The following SCLT1 variants were observed in gnomAD, a reference collection of about 807,000 sequenced individuals.
SCLT1 encodes sodium channel and clathrin linker 1.
A neutral mutation model predicts 112.8 loss-of-function variants in SCLT1; 78 were observed. The observed-to-expected ratio is 0.69, with a 90% confidence interval of 0.58 to 0.83. The LOEUF (loss-of-function observed/expected upper bound fraction) is 0.83. Among genes scored for constraint, SCLT1 ranks in the 40% least tolerant of loss-of-function variants. The probability of loss-of-function intolerance (pLI) is 0.00; values close to 1 mark genes in which losing one functional copy is unlikely to be tolerated. For missense variants in SCLT1, 747 were observed against 770.4 expected (o/e 0.97, Z 0.36); for synonymous variants, 257 against 254.7 (o/e 1.01, Z -0.09).
chr4:129,025,362 G>T (rs931479289), intron 5 of SCLT1, among the ~76,000 whole-genome samples: 154 of 150,784 alleles, frequency 1.0e-3, no homozygotes, highest in South Asian at 4.0e-3. Context: ...TGGCAGAAAC[G>T]CTACAAGCCA....
chr4:129,084,678 T>C (rs537134384), intron 1 of SCLT1, among the ~76,000 whole-genome samples: 4 of 152,108 alleles, frequency 2.6e-5, no homozygotes, highest in South Asian at 4.2e-4. Context: ...AACAGACACA[T>C]AGGCCAATGG....
chr4:129,083,186 G>GAAAAA (rs10651058), intron 1 of SCLT1, among the ~76,000 whole-genome samples: 2 of 84,514 alleles, frequency 2.4e-5, no homozygotes, highest in Non-Finnish European at 4.3e-5. Flanking sequence ...GTGAGACTCT[G>GAAAAA]AAAAAAAAAA....
chr4:128,932,061 T>G (rs531275721), intron 18 of SCLT1, among the ~76,000 whole-genome samples: 1 of 152,288 alleles, frequency 6.6e-6, no homozygotes, highest in South Asian at 2.1e-4. Context: ...TTTGTTTTAA[T>G]CTTTAGCATT....
chr4:129,064,076 T>C (rs1322403258), intron 2 of SCLT1, among the ~76,000 whole-genome samples: 3 of 152,186 alleles, frequency 2.0e-5, no homozygotes, highest in South Asian at 4.1e-4. Context: ...GTTGTCAAAA[T>C]TGGTGCACTG....
intron 18 of SCLT1, 80 bp downstream of exon 18, chr4:128,936,575 A>C: frequency 1.3e-6 from 1 of 788,202 alleles, no homozygotes; most frequent in East Asian, 2.8e-5. Context: ...TTTTTTAAAA[A>C]AGATTATGGC....
At chr4:128,915,033 A>G (rs574623218) in intron 18 of SCLT1, among the ~76,000 whole-genome samples, 1 of 152,236 alleles carries the variant, frequency 6.6e-6, no homozygotes, top group South Asian at 2.1e-4. Context: ...TTGGTGTTGC[A>G]CTGCTGGCTA....
chr4:129,028,685 A>G (rs1242212400), intron 5 of SCLT1, among the ~76,000 whole-genome samples: 1 of 152,226 alleles, frequency 6.6e-6, no homozygotes. Context: ...ATGGCATCTA[A>G]TTAAACTAAA....
rs187489244 is a variant in SCLT1 at position 129,040,235 on chromosome 4, T to C, written c.235-1139A>G. ...TGCCTGAAACACAATTAAACCAACA[T>C]GGATTAATTCACTACCAGATAATTG... On this transcript the variant is annotated intron_variant, in intron 4 of 20. Coordinates refer to ENST00000281142, the MANE Select transcript of SCLT1 (RefSeq NM_144643.4). 4.8e-4 allele frequency: 339 copies of C among 702,674 alleles called. No homozygotes were observed. In the East Asian group the frequency reaches 7.4e-3, roughly 15 times the overall value. The allele number at this position is 702,674 out of a possible 1,614,324, so 43.5% of individuals were successfully genotyped here.
intron 2 of SCLT1, among the ~76,000 whole-genome samples, chr4:129,052,645 G>A: frequency 6.6e-6 from 1 of 151,928 alleles, no homozygotes; most frequent in South Asian, 2.1e-4. Context: ...TTGGCTAGCA[G>A]TCTATCTAAA....
At chr4:129,018,859 G>A (rs1008718021) in intron 5 of SCLT1, among the ~76,000 whole-genome samples, 4 of 152,004 alleles carry the variant, frequency 2.6e-5, no homozygotes, top group African/African-American at 7.2e-5. Context: ...GGTACAACAC[G>A]AGTAACACAA....
intron 5 of SCLT1, among the ~76,000 whole-genome samples, chr4:129,012,481 G>T (rs1026014829): frequency 2.0e-5 from 3 of 152,176 alleles, no homozygotes; most frequent in Admixed American, 6.5e-5. Flanking sequence ...GTGATGAGAA[G>T]AATGTATATT....
At chr4:128,922,906 C>T (rs187555790) in intron 18 of SCLT1, among the ~76,000 whole-genome samples, 33 of 151,452 alleles carry the variant, frequency 2.2e-4, no homozygotes, top group African/African-American at 8.0e-4. Context: ...GACTGCAGCA[C>T]AATGAAAAAA....
At chr4:128,899,219 A>C (rs1579317109) in intron 18 of SCLT1, among the ~76,000 whole-genome samples, 1 of 152,102 alleles carries the variant, frequency 6.6e-6, no homozygotes, top group South Asian at 2.1e-4. Context: ...GAGACACAAC[A>C]AAAAAAGAGA....
intron 2 of SCLT1, among the ~76,000 whole-genome samples, chr4:129,078,726 T>C (rs1421291826): frequency 6.6e-6 from 1 of 152,154 alleles, no homozygotes; most frequent in Non-Finnish European, 1.5e-5. Flanking sequence ...ACTATTCCTT[T>C]TTAATACTAA....
chr4:128,940,730 G>A (rs1737620212), intron 17 of SCLT1, among the ~76,000 whole-genome samples: 1 of 151,678 alleles, frequency 6.6e-6, no homozygotes, highest in South Asian at 2.1e-4. Flanking sequence ...TTTGGGAGTA[G>A]AGGGACTTTA....
intron 17 of SCLT1, among the ~76,000 whole-genome samples, chr4:128,938,792 G>T (rs530228031): frequency 2.0e-5 from 3 of 152,206 alleles, no homozygotes; most frequent in African/African-American, 7.2e-5. Context: ...AACCAGCCTG[G>T]CCAACATGGT....
At chr4:129,013,065 T>C (rs967876919) in intron 5 of SCLT1, among the ~76,000 whole-genome samples, 2 of 152,142 alleles carry the variant, frequency 1.3e-5, no homozygotes, top group Admixed American at 6.5e-5. Flanking sequence ...CAGGGGTTTG[T>C]TGTACATATT....
intron 5 of SCLT1, among the ~76,000 whole-genome samples, chr4:129,019,665 GA>G (rs777255723): frequency 0.024 from 3,392 of 139,726 alleles, 49 homozygotes; most frequent in South Asian, 0.051. Flanking sequence ...TTATATAAAT[GA>G]AAAAAAAAAA....
intron 20 of SCLT1, among the ~76,000 whole-genome samples, chr4:128,885,079 T>C (rs1732790307): frequency 6.6e-6 from 1 of 152,210 alleles, no homozygotes. Flanking sequence ...ATATTCCAGA[T>C]GGATGAAAAA....
Sources: allele counts gnomAD v4.1 joint callset (sites outside exome capture counted in the v4.1 genomes callset), GRCh38; gene constraint gnomAD v4.1.1; transcripts MANE v1.5; gene names NCBI Gene and HGNC (gene_info 2026-07-23, HGNC 2026-07-21).